Variants in DDX17 observed in about 807,000 individuals in gnomAD.
DDX17 encodes the protein probable ATP-dependent RNA helicase DDX17.
Under a neutral mutation model 80.8 loss-of-function variants are expected in DDX17, and 10 were observed. That is an observed-to-expected ratio of 0.12 (90% CI 0.08 to 0.21). DDX17 has a LOEUF of 0.21. Among genes scored for constraint, DDX17 ranks in the 10% least tolerant of loss-of-function variants. The pLI is 1.00. For synonymous variants in DDX17, 339 were observed against 336.2 expected (o/e 1.01, Z -0.09); for missense variants, 586 against 957.4 (o/e 0.61, Z 5.12).
intron 1 of DDX17, among the ~76,000 whole-genome samples, chr22:38,502,162 G>C (rs1308056421): frequency 1.3e-5 from 2 of 152,248 alleles, no homozygotes; most frequent in African/African-American, 2.4e-5. Flanking sequence ...TGTAATCCCA[G>C]CACTTTGGGA....
Position 38,486,471 on chromosome 22 carries a change from G to A in DDX17, c.1685-31C>T, listed in dbSNP as rs772902977. 17 of 1,550,204 alleles carry A rather than the reference G, an allele frequency of 1.1e-5. No individual in the cohort carries two copies. In the South Asian group the frequency reaches 1.9e-4, roughly 17 times the overall value. On this transcript the variant is annotated intron_variant, in intron 12 of 12. Transcript: ENST00000403230. ...GGGAAGATACAAGAAGATTTTTAAT[G>A]GCAGATATAGGACCTAAACATAACA...
intron 11 of DDX17, chr22:38,488,899 T>TAGAC: frequency 4.1e-6 from 4 of 985,398 alleles, no homozygotes; most frequent in Non-Finnish European, 4.8e-6. Flanking sequence ...TATCAATGAT[T>TAGAC]GTCTACGTGA....
At chr22:38,487,316 G>A (rs978101160) in intron 12 of DDX17, among the ~76,000 whole-genome samples, 1 of 149,906 alleles carries the variant, frequency 6.7e-6, no homozygotes, top group Non-Finnish European at 1.5e-5. Context: ...CCAACATGGT[G>A]AAACTCCACA....
intron 10 of DDX17, among the ~76,000 whole-genome samples, chr22:38,492,529 G>A (rs1272407155): frequency 1.3e-5 from 2 of 151,864 alleles, no homozygotes; most frequent in African/African-American, 2.4e-5. Context: ...TCTTATTGCC[G>A]AGGCTGGAGT....
chr22:38,501,059 A>G, intron 2 of DDX17, 71 bp downstream of exon 2: 1 of 1,524,794 alleles, frequency 6.6e-7, no homozygotes, highest in Non-Finnish European at 8.8e-7. Flanking sequence ...ACAGTAGCGT[A>G]TGAATAAACT....
intron 5 of DDX17, 70 bp downstream of exon 5, chr22:38,498,015 A>C (rs576194393): frequency 4.0e-4 from 577 of 1,448,914 alleles, no homozygotes; most frequent in Non-Finnish European, 5.4e-4. Context: ...GATAATGTAA[A>C]GCACCAAGCC....
At chr22:38,499,308 C>T in intron 3 of DDX17, 92 bp downstream of exon 3, 2 of 963,678 alleles carry the variant, frequency 2.1e-6, no homozygotes, top group East Asian at 4.8e-5. Flanking sequence ...TCAACAAAAC[C>T]CCAAGCCTGG....
At position 38,485,292 on chromosome 22, in the gene DDX17, C is replaced by G. The variant is rs1004221492; in HGVS notation, c.*643G>C. On this transcript the variant is annotated 3_prime_UTR_variant, in exon 13 of 13. Coordinates refer to ENST00000403230, the MANE Select transcript of DDX17 (RefSeq NM_006386.5). Reference sequence around the variant, plus strand: ...CACTAAAATGGTTATTTTTCAGTAACGGGGGGAGAAGTGGGGAGGCAGAGT... The same window carrying G: ...CACTAAAATGGTTATTTTTCAGTAAGGGGGGGAGAAGTGGGGAGGCAGAGT... 6.6e-6 allele frequency: 1 copy of G among 152,014 alleles called. No individual in the cohort carries two copies. Among genetic ancestry groups the G allele is most frequent in the Admixed American group, 6.6e-5 (1 of 15,262 alleles). The allele number at this position is 152,014 out of a possible 1,614,324, so 9.4% of individuals were successfully genotyped here.
At position 38,494,656 on chromosome 22, in the gene DDX17, G is replaced by A. The variant is rs1261500437; in HGVS notation, c.1188C>T (p.Val396=). 3 of 1,613,992 alleles carry A rather than the reference G, an allele frequency of 1.9e-6. No individual in the cohort carries two copies. In the African/African-American group the frequency reaches 4.0e-5, roughly 22 times the overall value. Residue 396 remains valine, a synonymous_variant, in exon 8 of 13, where the codon GTC becomes GTT. Transcript: ENST00000403230. Reference sequence around the variant, plus strand: ...TGTGGTCTTTTTCACTTTCCATGCAGACATCCACTATCTGGAGGATGTTGT... The same window carrying A: ...TGTGGTCTTTTTCACTTTCCATGCAAACATCCACTATCTGGAGGATGTTGT...
intron 1 of DDX17, among the ~76,000 whole-genome samples, chr22:38,503,877 T>A (rs1477391313): frequency 6.6e-6 from 1 of 152,206 alleles, no homozygotes; most frequent in Non-Finnish European, 1.5e-5. Flanking sequence ...GCAATTCAAA[T>A]AATCAAGAAC....
In DDX17 at chr22:38,491,240, T is replaced by C. The variant is rs529002199; in HGVS notation, c.1447+816A>G. The stretch of plus-strand genomic sequence containing the variant: ...TTGAATACCTGTTCTCTTTATATTA[T>C]ATAGTATAAGGGAATAATATGGTAC... On this transcript the variant is annotated intron_variant, in intron 11 of 12. Coordinates refer to ENST00000403230, the MANE Select transcript of DDX17 (RefSeq NM_006386.5). The C allele has an allele frequency of 2.6e-5, 4 of 152,342 alleles. No individual in the cohort carries two copies. In the East Asian group the frequency reaches 5.8e-4, roughly 22 times the overall value. The allele number at this position is 152,342 out of a possible 1,614,324, so 9.4% of individuals were successfully genotyped here.
At position 38,483,920 on chromosome 22, in the gene DDX17, T is replaced by G. The variant is rs946119459; in HGVS notation, c.*2015A>C. On this transcript the variant is annotated 3_prime_UTR_variant, in exon 13 of 13. Coordinates refer to ENST00000403230, the MANE Select transcript of DDX17 (RefSeq NM_006386.5). ...ATAGTTTTTGAGGTTTGGAATTTAC[T>G]GTTATTTTATGATTACAATGTCCCA... is the stretch of plus-strand genomic sequence containing the variant. 1 of 152,238 alleles carries G rather than the reference T, an allele frequency of 6.6e-6. No individual in the cohort carries two copies. Among genetic ancestry groups the G allele is most frequent in the African/African-American group, 2.4e-5 (1 of 41,456 alleles). The allele number at this position is 152,238 out of a possible 1,614,324, so 9.4% of individuals were successfully genotyped here.
At chr22:38,500,817 CAAAAA>C (rs138453) in intron 2 of DDX17, among the ~76,000 whole-genome samples, 16 of 54,186 alleles carry the variant, frequency 3.0e-4, no homozygotes, top group East Asian at 6.6e-4. Flanking sequence ...AACTCCGTCT[CAAAAA>C]AAAAAAAAAA....
At position 38,486,423 on chromosome 22, in the gene DDX17, G is replaced by A. The variant is rs1385654288; in HGVS notation, c.1702C>T (p.Arg568Trp). ...GGATTGTTGGCTGAAGAAGTGGTCC[G>A]GTAACGAGAACGACCACCTAATGGG... The change falls in exon 13 of 13, where the codon CGG becomes TGG. Residue 568 changes from arginine to tryptophan, a missense_variant. Arg to Trp is a moderately radical substitution (Grantham distance 101). Transcript: ENST00000403230. 4.4e-6 allele frequency: 7 copies of A among 1,608,940 alleles called. No individual in the cohort carries two copies. The highest frequency in any genetic ancestry group is 1.1e-5 in the South Asian group (1 of 90,458).
chr22:38,487,828 C>T (rs371803034), intron 12 of DDX17, 51 bp downstream of exon 12: 6 of 1,601,104 alleles, frequency 3.7e-6, no homozygotes, highest in East Asian at 2.2e-5. Flanking sequence ...TCACAGAAGG[C>T]GTAAAGAGAT....
At chr22:38,487,000 T>C (rs2089666201) in intron 12 of DDX17, among the ~76,000 whole-genome samples, 1 of 151,750 alleles carries the variant, frequency 6.6e-6, no homozygotes, top group Non-Finnish European at 1.5e-5. Context: ...AAACCCTGTC[T>C]CTACAAAAAA....
At position 38,489,923 on chromosome 22, in the gene DDX17, ATGGC is replaced by A. The variant is rs2089696585; in HGVS notation, c.1448-1812_1448-1809del. 1 of 995,822 alleles carries A rather than the reference ATGGC, an allele frequency of 1.0e-6. No individual in the cohort carries two copies. 61.7% of individuals were successfully genotyped at this position (995,822 alleles called of 1,614,324 possible). A position where few individuals can be genotyped will look rare whatever the true frequency, so the allele number is the denominator to read the frequency against. ...TTATGCAATCCCACTGCATATGACC[ATGGC>A]AGTAGAACAAGTTCAATTACTACAC... On this transcript the variant is annotated intron_variant, in intron 11 of 12. Transcript: ENST00000403230. The surrounding 1 kb of genome is among the most constrained non-coding windows in gnomAD (Gnocchi z 4.6).
chr22:38,496,319 T>C (rs935736387), intron 5 of DDX17, among the ~76,000 whole-genome samples: 2 of 152,198 alleles, frequency 1.3e-5, no homozygotes, highest in African/African-American at 4.8e-5. Flanking sequence ...AAGCATTTAC[T>C]TTGAGGATCA....
intron 3 of DDX17, among the ~76,000 whole-genome samples, chr22:38,498,971 C>A (rs1569141809): frequency 6.6e-6 from 1 of 152,168 alleles, no homozygotes; most frequent in Non-Finnish European, 1.5e-5. Flanking sequence ...GAGATCGCGC[C>A]ACTGCACTTC....
Sources: gnomAD v4.1 joint callset for allele counts (sites outside exome capture counted in the v4.1 genomes callset) on GRCh38, gnomAD v4.1.1 for gene constraint, Gnocchi (gnomAD v3.1) non-coding constraint, MANE v1.5 for transcripts, NCBI Gene and HGNC (gene_info 2026-07-23, HGNC 2026-07-21) for gene names.